The following MAST4 variants were observed in gnomAD, a reference collection of about 807,000 sequenced individuals.
MAST4 encodes the protein microtubule-associated serine/threonine-protein kinase 4.
MAST4 carries 89 observed loss-of-function variants against 162.7 expected under a neutral mutation model. That is an observed-to-expected ratio of 0.55 (90% CI 0.46 to 0.65). The LOEUF is 0.65. Ranked by LOEUF, MAST4 falls within the 30% of genes least tolerant of loss-of-function variation. MAST4 has a pLI of 0.00. For missense variants in MAST4, 3,153 were observed against 3,374.0 expected (o/e 0.93, Z 1.62); for synonymous variants, 1,479 against 1,361.1 (o/e 1.09, Z -1.91).
At chr5:66,637,057 A>G (rs1343409440) in intron 1 of MAST4, among the ~76,000 whole-genome samples, 1 of 152,238 alleles carries the variant, frequency 6.6e-6, no homozygotes, top group Non-Finnish European at 1.5e-5. Flanking sequence ...ACGTACATGC[A>G]TACACTTTTT....
chr5:66,665,506 T>A (rs2149466276), intron 1 of MAST4, among the ~76,000 whole-genome samples: 1 of 152,364 alleles, frequency 6.6e-6, no homozygotes, highest in East Asian at 1.9e-4. Context: ...TTACTATCTT[T>A]TATTTGCTCT....
At chr5:66,869,908 T>TG (rs1760803600) in intron 3 of MAST4, among the ~76,000 whole-genome samples, 1 of 152,132 alleles carries the variant, frequency 6.6e-6, no homozygotes, top group Non-Finnish European at 1.5e-5. Context: ...ATGCTCACAG[T>TG]GGGTAGTACT....
At position 67,164,704 on chromosome 5, in the gene MAST4, T is replaced by C. The variant is rs375071102; in HGVS notation, c.5525T>C (p.Val1842Ala). ...GACGTGAGGGCCTCTGTGCCACCAG[T>C]TCTCCCCAGCAGCAGTGGGAAAAAG... is the stretch of plus-strand genomic sequence containing the variant. The part of the protein sequence containing the change: ...SGDVRASVPP[V>A]LPSSSGKKND... The change falls in exon 29 of 29, where the codon GTT becomes GCT. Residue 1842 changes from valine (V) to alanine (A), a missense_variant. Val to Ala is a moderately conservative substitution (Grantham distance 64). Transcript: ENST00000403625. This position sits in a 1 kb window ranked among gnomAD's most constrained non-coding sequence, Gnocchi z 5.3. 6 of 1,613,810 alleles carry C rather than the reference T, an allele frequency of 3.7e-6. No individual in the cohort carries two copies. Among genetic ancestry groups the C allele is most frequent in the Admixed American group, 1.7e-5 (1 of 60,002 alleles).
chr5:66,797,430 C>T (rs773743640), intron 3 of MAST4, among the ~76,000 whole-genome samples: 1 of 152,088 alleles, frequency 6.6e-6, no homozygotes, highest in Non-Finnish European at 1.5e-5. Flanking sequence ...GGTAATTATA[C>T]TTATTCCGGG....
chr5:67,046,127 T>A (rs1243188328), intron 4 of MAST4, among the ~76,000 whole-genome samples: 2 of 152,148 alleles, frequency 1.3e-5, no homozygotes, highest in East Asian at 3.8e-4. Context: ...GACTATCCCA[T>A]ATAGCCTCAG....
At chr5:66,599,455 T>C (rs1488044166) in intron 1 of MAST4, among the ~76,000 whole-genome samples, 2 of 152,204 alleles carry the variant, frequency 1.3e-5, no homozygotes, top group Admixed American at 6.5e-5. Context: ...CTTCTGCAAA[T>C]CTCAGCTTTC....
chr5:66,675,582 G>A (rs866664863), intron 1 of MAST4, among the ~76,000 whole-genome samples: 27 of 152,136 alleles, frequency 1.8e-4, no homozygotes, highest in African/African-American at 6.5e-4. Context: ...TAATGTGAGT[G>A]ATGCCTGGAG....
intron 4 of MAST4, among the ~76,000 whole-genome samples, chr5:67,003,307 A>T (rs1365767765): frequency 6.6e-6 from 1 of 152,146 alleles, no homozygotes; most frequent in Non-Finnish European, 1.5e-5. Flanking sequence ...AGGCTCTGTA[A>T]GAATGTGAGG....
At chr5:66,667,461 A>T (rs1747332954) in intron 1 of MAST4, among the ~76,000 whole-genome samples, 1 of 152,150 alleles carries the variant, frequency 6.6e-6, no homozygotes, top group Non-Finnish European at 1.5e-5. Flanking sequence ...ATTTTAGGAT[A>T]TGTGATGATG....
At chr5:66,641,962 C>A (rs1437863172) in intron 1 of MAST4, among the ~76,000 whole-genome samples, 1 of 152,176 alleles carries the variant, frequency 6.6e-6, no homozygotes, top group East Asian at 1.9e-4. Flanking sequence ...TAATAATTTT[C>A]TCTTTATAGA....
chr5:67,020,336 A>G lies in MAST4; in HGVS notation c.675-34068A>G, dbSNP rs1248695348. 2.0e-5 allele frequency among the ~76,000 whole-genome samples: 3 copies of G among 152,228 alleles called. No individual in the cohort carries two copies. In the East Asian group the frequency reaches 5.8e-4, roughly 29 times the overall value. On this transcript the variant is annotated intron_variant, in intron 4 of 28. Transcript: ENST00000403625. ...GTTGTTTTACAAAATTCTCTCAGAG[A>G]TTGTTGGAATTCTGGGAGCATGACC...
At chr5:66,869,609 T>C (rs370360278) in intron 3 of MAST4, among the ~76,000 whole-genome samples, 1 of 152,214 alleles carries the variant, frequency 6.6e-6, no homozygotes, top group Non-Finnish European at 1.5e-5. Context: ...GCCGAAGCAG[T>C]GATTATGGGC....
chr5:66,969,882 C>G (rs1747217649), intron 4 of MAST4, among the ~76,000 whole-genome samples: 1 of 152,128 alleles, frequency 6.6e-6, no homozygotes, highest in Non-Finnish European at 1.5e-5. Context: ...TTGTGGAGAA[C>G]ATTGAAAAAA....
intron 1 of MAST4, among the ~76,000 whole-genome samples, chr5:66,704,644 G>A (rs927677791): frequency 1.3e-5 from 2 of 151,996 alleles, no homozygotes; most frequent in African/African-American, 4.8e-5. Flanking sequence ...GGTACTACAG[G>A]CGCTTGCCAC....
chr5:66,904,964 ATTGTTC>A (rs1285774384), intron 4 of MAST4, among the ~76,000 whole-genome samples: 30 of 152,052 alleles, frequency 2.0e-4, no homozygotes, highest in African/African-American at 6.5e-4. Flanking sequence ...CCGGTGTCTT[ATTGTTC>A]CCATCTTTAT....
intron 1 of MAST4, among the ~76,000 whole-genome samples, chr5:66,602,902 G>A (rs1742648050): frequency 6.6e-6 from 1 of 152,098 alleles, no homozygotes. Context: ...CTGTAAAATG[G>A]GCCTGTAGTT....
At chr5:67,105,460 C>T (rs777477317) in intron 10 of MAST4, among the ~76,000 whole-genome samples, 8 of 152,170 alleles carry the variant, frequency 5.3e-5, no homozygotes, top group African/African-American at 9.7e-5. Context: ...GGCTGGCAGC[C>T]GCTGCTTTTC....
At chr5:67,034,289 A>G (rs1178272294) in intron 4 of MAST4, among the ~76,000 whole-genome samples, 1 of 152,182 alleles carries the variant, frequency 6.6e-6, no homozygotes, top group African/African-American at 2.4e-5. Flanking sequence ...TGTCACCACA[A>G]AAGCCTGCCT....
At position 67,133,596 on chromosome 5, in the gene MAST4, C is replaced by A; in HGVS notation, c.2176C>A (p.Leu726Ile). Residue 726 changes from leucine (L) to isoleucine (I), a missense_variant, in exon 17 of 29, where the codon CTT (leucine) becomes ATT (isoleucine). Coordinates refer to ENST00000403625, the MANE Select transcript of MAST4 (RefSeq NM_001164664.2). ...GGGACTAATGAGCATGACTACCAACCTTTACGAGGGTCATATTGAGAAGGA... is the reference window on the plus strand; with the variant it reads ...GGGACTAATGAGCATGACTACCAACATTTACGAGGGTCATATTGAGAAGGA... Reference protein sequence around the residue: ...KVGLMSMTTNLYEGHIEKDAR... With the variant: ...KVGLMSMTTNIYEGHIEKDAR... 1.9e-6 allele frequency: 3 copies of A among 1,613,408 alleles called. No individual in the cohort carries two copies. The highest frequency in any genetic ancestry group is 1.7e-6 in the Non-Finnish European group (2 of 1,179,480).
Sources: gnomAD v4.1 joint callset for allele counts (sites outside exome capture counted in the v4.1 genomes callset) on GRCh38, gnomAD v4.1.1 for gene constraint, Gnocchi (gnomAD v3.1) non-coding constraint, MANE v1.5 for transcripts, NCBI Gene and HGNC (gene_info 2026-07-23, HGNC 2026-07-21) for gene names.